Variants in DZIP1 observed in about 807,000 individuals in gnomAD.
The protein encoded by DZIP1 is cilium assembly protein DZIP1.
In DZIP1, 97 loss-of-function variants were observed where a neutral mutation model predicts 107.6. That is an observed-to-expected ratio of 0.90 (90% CI 0.77 to 1.07). The LOEUF (loss-of-function observed/expected upper bound fraction) is 1.07. Ranked by LOEUF, DZIP1 falls within the 50% of genes least tolerant of loss-of-function variation. The probability of loss-of-function intolerance (pLI) is 0.00; values close to 1 mark genes in which losing one functional copy is unlikely to be tolerated. For synonymous variants in DZIP1, 390 were observed against 386.4 expected (o/e 1.01, Z -0.11); for missense variants, 1,035 against 1,063.6 (o/e 0.97, Z 0.37).
At chr13:95,584,369 G>T (rs2044095173) in intron 22 of DZIP1, among the ~76,000 whole-genome samples, 1 of 152,016 alleles carries the variant, frequency 6.6e-6, no homozygotes, top group Non-Finnish European at 1.5e-5. Flanking sequence ...GCCGAAGTGG[G>T]AGGACTGCCT....
At chr13:95,623,994 A>T (rs1876224780) in intron 8 of DZIP1, among the ~76,000 whole-genome samples, 1 of 135,386 alleles carries the variant, frequency 7.4e-6, no homozygotes, top group African/African-American at 2.6e-5. Context: ...GGCCATTCAA[A>T]AACAGGTGGT....
At chr13:95,590,209 G>C (rs2044274786) in intron 17 of DZIP1, 70 bp downstream of exon 17, 2 of 1,361,648 alleles carry the variant, frequency 1.5e-6, no homozygotes, top group African/African-American at 1.5e-5. Context: ...GATATCTTGT[G>C]GTGAAAAAAG....
intron 7 of DZIP1, among the ~76,000 whole-genome samples, chr13:95,627,096 T>C (rs1027338494): frequency 1.8e-4 from 28 of 152,214 alleles, no homozygotes; most frequent in African/African-American, 6.3e-4. Flanking sequence ...TGCACACTTA[T>C]CTATTTCAAA....
intron 7 of DZIP1, among the ~76,000 whole-genome samples, chr13:95,627,254 T>C (rs1876649116): frequency 6.6e-6 from 1 of 152,144 alleles, no homozygotes; most frequent in Non-Finnish European, 1.5e-5. Flanking sequence ...GAACATTCAA[T>C]GAAAAAAGAA....
At chr13:95,592,626 A>T (rs2044341829) in intron 16 of DZIP1, among the ~76,000 whole-genome samples, 1 of 152,196 alleles carries the variant, frequency 6.6e-6, no homozygotes, top group Non-Finnish European at 1.5e-5. Context: ...CAGCAATTTC[A>T]TCCCTAGATA....
At chr13:95,628,986 A>T (rs1046198256) in intron 7 of DZIP1, among the ~76,000 whole-genome samples, 3 of 152,240 alleles carry the variant, frequency 2.0e-5, no homozygotes, top group African/African-American at 7.2e-5. Context: ...ACACTTAAAA[A>T]TAGTTAAAAT....
rs374211707 is a variant in DZIP1, at chr13:95,609,442, A to G, written c.1420+15T>C. 1.9e-6 allele frequency: 3 copies of G among 1,546,250 alleles called. No individual in the cohort carries two copies. The highest frequency in any genetic ancestry group is 2.6e-6 in the Non-Finnish European group (3 of 1,146,764). ...AAGATACCTTTGGAGCCCTGCATCT[A>G]TTATAGGAACTTACTAGGCACAGCT... On this transcript the variant is annotated intron_variant, in intron 13 of 22. Coordinates refer to ENST00000376829, the MANE Select transcript of DZIP1 (RefSeq NM_198968.4).
At chr13:95,615,883 T>A (rs899853816) in intron 10 of DZIP1, among the ~76,000 whole-genome samples, 3 of 152,214 alleles carry the variant, frequency 2.0e-5, no homozygotes, top group African/African-American at 7.2e-5. Flanking sequence ...TTAGAAGGCT[T>A]AAGTATATGG....
rs1338743328 is a variant in DZIP1 at position 95,578,835 on chromosome 13, A to T, written c.*3399T>A. ...TGGTTTCTTACATGTGCCTGTCATG[A>T]CTGTAATTCATTATGACTGCTCCAG... is the stretch of plus-strand genomic sequence containing the variant. On this transcript the variant is annotated 3_prime_UTR_variant, in exon 23 of 23. Coordinates refer to ENST00000376829, the MANE Select transcript of DZIP1 (RefSeq NM_198968.4). The T allele has an allele frequency of 6.6e-6, 1 of 152,172 alleles. No individual in the cohort carries two copies. Among genetic ancestry groups the T allele is most frequent in the Non-Finnish European group, 1.5e-5 (1 of 68,028 alleles). The allele number at this position is 152,172 out of a possible 1,614,324, so 9.4% of individuals were successfully genotyped here.
chr13:95,627,338 C>A (rs1377498604), intron 7 of DZIP1, among the ~76,000 whole-genome samples: 1 of 152,152 alleles, frequency 6.6e-6, no homozygotes, highest in Non-Finnish European at 1.5e-5. Context: ...GCCCCTCTCT[C>A]AATCTACATG....
chr13:95,587,644 G>T lies in DZIP1; in HGVS notation c.2113C>A (p.Pro705Thr). ...CCGAAGCTGCCCTTGTTTTGTGGTGGCGGCACAGGAAGTGGGCCTGGGGAT... is the reference window on the plus strand; with the variant it reads ...CCGAAGCTGCCCTTGTTTTGTGGTGTCGGCACAGGAAGTGGGCCTGGGGAT... ...YASPGPLPVP[P>T]PQNKGSFGKN... Residue 705 changes from proline to threonine, a missense_variant, in exon 20 of 23, where the codon CCA becomes ACA. Pro to Thr is a conservative substitution (Grantham distance 38). Transcript: ENST00000376829. 1.2e-6 allele frequency: 2 copies of T among 1,614,142 alleles called. No homozygotes were observed. Among genetic ancestry groups the T allele is most frequent in the Non-Finnish European group, 1.7e-6 (2 of 1,180,030 alleles).
chr13:95,640,579 T>A (rs1309614458), intron 5 of DZIP1, among the ~76,000 whole-genome samples: 1 of 152,054 alleles, frequency 6.6e-6, no homozygotes, highest in African/African-American at 2.4e-5. Flanking sequence ...AAAAAAAAAA[T>A]ACATTGGTTT....
At chr13:95,628,142 C>A (rs1594726324) in intron 7 of DZIP1, among the ~76,000 whole-genome samples, 1 of 152,156 alleles carries the variant, frequency 6.6e-6, no homozygotes, top group East Asian at 1.9e-4. Flanking sequence ...TGGACTCAAG[C>A]CATCTTCCTC....
chr13:95,608,503 T>A (rs2044860748), intron 13 of DZIP1, among the ~76,000 whole-genome samples: 1 of 151,896 alleles, frequency 6.6e-6, no homozygotes, highest in African/African-American at 2.4e-5. Context: ...GGTCAGCTGC[T>A]GAAGATTGTT....
At chr13:95,587,422 C>T (rs748960923) in intron 20 of DZIP1, 117 bp downstream of exon 20, 43 of 1,384,694 alleles carry the variant, frequency 3.1e-5, no homozygotes, top group Non-Finnish European at 3.9e-5. Context: ...CTTTGGGATC[C>T]GCTGCATCTG....
intron 15 of DZIP1, among the ~76,000 whole-genome samples, chr13:95,598,217 T>C (rs1277333057): frequency 6.6e-6 from 1 of 152,094 alleles, no homozygotes; most frequent in Admixed American, 6.6e-5. Flanking sequence ...ATGAAGCAAC[T>C]AAAACCAAAC....
chr13:95,624,434 C>T (rs906056259), intron 8 of DZIP1, among the ~76,000 whole-genome samples: 3 of 152,184 alleles, frequency 2.0e-5, no homozygotes, highest in Admixed American at 2.0e-4. Context: ...TCTTTCCCTT[C>T]CCACTGGACA....
chr13:95,625,055 T>A, intron 7 of DZIP1, 126 bp from the exon 8 acceptor site: 1 of 824,274 alleles, frequency 1.2e-6, no homozygotes, highest in Non-Finnish European at 1.8e-6. Context: ...GTGAGGCTTG[T>A]AACAACATTT....
chr13:95,626,455 A>G (rs992748610), intron 7 of DZIP1, among the ~76,000 whole-genome samples: 3 of 152,220 alleles, frequency 2.0e-5, no homozygotes, highest in African/African-American at 4.8e-5. Context: ...AATCTAGGTG[A>G]AATAGACAAA....
Sources: gnomAD v4.1 joint callset for allele counts (sites outside exome capture counted in the v4.1 genomes callset) on GRCh38, gnomAD v4.1.1 for gene constraint, MANE v1.5 for transcripts, NCBI Gene and HGNC (gene_info 2026-07-23, HGNC 2026-07-21) for gene names.